FOCAD: variants seen among roughly 807,000 people sequenced by gnomAD.
The protein encoded by FOCAD is focadhesin.
FOCAD carries 198 observed loss-of-function variants against 225.6 expected under a neutral mutation model. The observed-to-expected ratio is 0.88, with a 90% CI of 0.78 to 0.99. The LOEUF is 0.99. Ranked by LOEUF, FOCAD falls within the 50% of genes least tolerant of loss-of-function variation. The probability of loss-of-function intolerance (pLI) is 0.00; values close to 1 mark genes in which losing one functional copy is unlikely to be tolerated. For synonymous variants in FOCAD, 897 were observed against 755.0 expected (o/e 1.19, Z -3.08); for missense variants, 2,713 against 2,123.6 (o/e 1.28, Z -5.46).
intron 30 of FOCAD, among the ~76,000 whole-genome samples, chr9:20,947,783 A>C (rs962264005): frequency 6.6e-6 from 1 of 152,158 alleles, no homozygotes; most frequent in Non-Finnish European, 1.5e-5. Context: ...TTATTGCAGA[A>C]TTCATTGGTT....
chr9:20,820,911 A>G (rs1180605256), intron 13 of FOCAD, 30 bp from the exon 14 acceptor site: 16 of 1,602,448 alleles, frequency 1.0e-5, no homozygotes, highest in Non-Finnish European at 1.3e-5. Flanking sequence ...AAGTTGGGAA[A>G]CTACCTTTTT....
intron 15 of FOCAD, among the ~76,000 whole-genome samples, chr9:20,842,918 G>A (rs558494581): frequency 2.0e-5 from 3 of 151,600 alleles, no homozygotes; most frequent in Admixed American, 6.6e-5. Flanking sequence ...CATGAAGCTC[G>A]CAAATAACAT....
chr9:20,688,341 A>G (rs1284607911), intron 1 of FOCAD, among the ~76,000 whole-genome samples: 1 of 152,212 alleles, frequency 6.6e-6, no homozygotes, highest in Non-Finnish European at 1.5e-5. Flanking sequence ...GTTAGTGGCC[A>G]GATGGATGTA....
intron 8 of FOCAD, among the ~76,000 whole-genome samples, chr9:20,776,231 C>G (rs191676841): frequency 6.6e-6 from 1 of 152,276 alleles, no homozygotes; most frequent in Non-Finnish European, 1.5e-5. Context: ...GATTTGTCAG[C>G]TTTGGCCTAT....
chr9:20,779,205 A>G (rs1819102890), intron 9 of FOCAD, among the ~76,000 whole-genome samples: 1 of 152,248 alleles, frequency 6.6e-6, no homozygotes, highest in Non-Finnish European at 1.5e-5. Context: ...TTGACAGTCC[A>G]GTATTGACTT....
At chr9:20,700,472 T>C (rs548021513) in intron 1 of FOCAD, among the ~76,000 whole-genome samples, 1 of 151,256 alleles carries the variant, frequency 6.6e-6, no homozygotes, top group South Asian at 2.1e-4. Context: ...TCTGCTGATT[T>C]TGGATTTGAA....
intron 34 of FOCAD, among the ~76,000 whole-genome samples, chr9:20,951,361 C>T (rs1253186503): frequency 1.3e-5 from 2 of 152,084 alleles, no homozygotes; most frequent in Non-Finnish European, 2.9e-5. Context: ...CTCTCTGCCT[C>T]CCTTAGAGAA....
Position 20,950,979 on chromosome 9 carries a change from T to TA in FOCAD, c.3949-16dup, listed in dbSNP as rs762302443. 3.7e-6 allele frequency: 6 copies of TA among 1,603,458 alleles called. No homozygotes were observed. In the Admixed American group the frequency reaches 6.7e-5, roughly 18 times the overall value. The stretch of plus-strand genomic sequence containing the variant: ...GGATCTTATCCCATCATTGAACTGT[T>TA]ACCTTTTTATTTGTAGGTCATTAGT... On this transcript the variant is annotated splice_polypyrimidine_tract_variant and intron_variant, in intron 33 of 43. Coordinates refer to ENST00000338382, the MANE Select transcript of FOCAD (RefSeq NM_001375567.1).
intron 19 of FOCAD, among the ~76,000 whole-genome samples, chr9:20,878,074 TACAC>T (rs1327145201): frequency 6.6e-6 from 1 of 152,310 alleles, no homozygotes; most frequent in African/African-American, 2.4e-5. Context: ...ACACAATACT[TACAC>T]ACAAAGTCAG....
At chr9:20,714,638 T>TG (rs1563905518) in intron 1 of FOCAD, among the ~76,000 whole-genome samples, 5,138 of 53,974 alleles carry the variant, frequency 0.095, 236 homozygotes, top group East Asian at 0.12. Context: ...CTGCCTGCCT[T>TG]CCTTCCTTCC....
chr9:20,725,336 G>C (rs1338124387), intron 4 of FOCAD, among the ~76,000 whole-genome samples: 1 of 152,194 alleles, frequency 6.6e-6, no homozygotes, highest in Non-Finnish European at 1.5e-5. Flanking sequence ...GACACACCAT[G>C]ATTGCTTATC....
chr9:20,711,939 T>A (rs1399102468), intron 1 of FOCAD, among the ~76,000 whole-genome samples: 2 of 152,130 alleles, frequency 1.3e-5, no homozygotes, highest in Admixed American at 6.5e-5. Context: ...TAAAACAGTG[T>A]TTCCCAGTGT....
At position 20,740,245 on chromosome 9, in the gene FOCAD, TG is replaced by T; in HGVS notation, c.299del (p.Gly100AlafsTer2). On this transcript the variant is annotated frameshift_variant, in exon 5 of 44. Transcript: ENST00000338382. LOFTEE classifies it high-confidence loss of function. Reference sequence around the variant, plus strand: ...CTATATTTCTTTGCAGAAATACACATGGCTTGATAAAAGCCATTATGCACTT... The same window carrying T: ...CTATATTTCTTTGCAGAAATACACATGCTTGATAAAAGCCATTATGCACTT... ...NLIPSTRNTHGLIKAIMHLLQ... is the reference protein window; with the variant it reads ...NLIPSTRNTHXLIKAIMHLLQ... The T allele has an allele frequency of 6.2e-7, 1 of 1,600,578 alleles. No homozygotes were observed. Among genetic ancestry groups the T allele is most frequent in the Non-Finnish European group, 8.5e-7 (1 of 1,171,816 alleles).
At chr9:20,785,790 A>T (rs1379621747) in intron 10 of FOCAD, among the ~76,000 whole-genome samples, 1 of 152,206 alleles carries the variant, frequency 6.6e-6, no homozygotes, top group Non-Finnish European at 1.5e-5. Context: ...ACTGCTAGGT[A>T]AGGTGATAAC....
chr9:20,720,600 A>T, intron 4 of FOCAD, 66 bp downstream of exon 4: 1 of 1,521,508 alleles, frequency 6.6e-7, no homozygotes, highest in Non-Finnish European at 9.0e-7. Context: ...TCACTAAATC[A>T]CTATTAAGAG....
At chr9:20,799,264 C>T (rs1418406799) in intron 11 of FOCAD, among the ~76,000 whole-genome samples, 1 of 152,086 alleles carries the variant, frequency 6.6e-6, no homozygotes, top group Non-Finnish European at 1.5e-5. Flanking sequence ...GCTTTACTTC[C>T]AAGTATGTGG....
At chr9:20,923,024 T>G (rs1046201369) in intron 24 of FOCAD, among the ~76,000 whole-genome samples, 2 of 152,242 alleles carry the variant, frequency 1.3e-5, no homozygotes, top group South Asian at 2.1e-4. Context: ...AAGGCAACTT[T>G]CAGTCCAAAT....
At chr9:20,813,073 G>C (rs1250515850) in intron 11 of FOCAD, among the ~76,000 whole-genome samples, 2 of 152,012 alleles carry the variant, frequency 1.3e-5, no homozygotes, top group Non-Finnish European at 2.9e-5. Flanking sequence ...TCTGCTCTAA[G>C]AGTTTGACCA....
At chr9:20,921,127 C>G (rs1477697903) in intron 24 of FOCAD, among the ~76,000 whole-genome samples, 1 of 151,888 alleles carries the variant, frequency 6.6e-6, no homozygotes, top group East Asian at 1.9e-4. Context: ...ACGTATAAAA[C>G]CTGATGATTG....
Sources: gnomAD v4.1 joint callset for allele counts (sites outside exome capture counted in the v4.1 genomes callset) on GRCh38, gnomAD v4.1.1 for gene constraint, MANE v1.5 for transcripts, NCBI Gene and HGNC (gene_info 2026-07-23, HGNC 2026-07-21) for gene names.